Variants in LIMCH1 observed in about 807,000 individuals in gnomAD.
LIMCH1 encodes LIM and calponin homology domains 1, also known as LIM and calponin homology domains-containing protein 1.
A neutral mutation model predicts 176.5 loss-of-function variants in LIMCH1; 113 were observed. The observed-to-expected ratio is 0.64, with a 90% CI of 0.55 to 0.75. The LOEUF (loss-of-function observed/expected upper bound fraction) is 0.75. LIMCH1 is among the 30% of genes least tolerant of loss of function. The pLI is 0.00. For missense variants in LIMCH1, 1,674 were observed against 1,814.9 expected, an observed-to-expected ratio of 0.92 and a Z score of 1.41; for synonymous variants, 619 against 645.9, an observed-to-expected ratio of 0.96 and a Z score of 0.63.
At chr4:41,427,337 A>G (rs1416500038) in intron 1 of LIMCH1, among the ~76,000 whole-genome samples, 2 of 152,178 alleles carry the variant, frequency 1.3e-5, no homozygotes, top group African/African-American at 2.4e-5. Flanking sequence ...CATAAAATTT[A>G]TCTTCAAAGT....
Position 41,684,400 on chromosome 4 carries a change from A to G in LIMCH1, c.3849A>G (p.Leu1283=). Residue 1283 remains leucine (L), a synonymous_variant, in exon 27 of 32, where the codon CTA becomes CTG. Coordinates refer to ENST00000503057, the MANE Select transcript of LIMCH1 (RefSeq NM_001330672.2). ...GTATACCTCTTTATTTTAACAGCCT[A>G]ACTGAAGGGGCCTTGGCTCATTCTG... ...ESDRLEEKGS[L]TEGALAHSGN... The G allele has an allele frequency of 6.2e-7, 1 of 1,613,440 alleles. No individual in the cohort carries two copies. The highest frequency in any genetic ancestry group is 8.5e-7 in the Non-Finnish European group (1 of 1,179,648).
At chr4:41,454,446 A>AGG (rs1287187514) in intron 1 of LIMCH1, among the ~76,000 whole-genome samples, 1 of 150,554 alleles carries the variant, frequency 6.6e-6, no homozygotes, top group Non-Finnish European at 1.5e-5. Flanking sequence ...GTGGATGATG[A>AGG]GGGGGAGAGA....
chr4:41,435,955 C>T (rs182267637), intron 1 of LIMCH1, among the ~76,000 whole-genome samples: 1 of 152,184 alleles, frequency 6.6e-6, no homozygotes, highest in Admixed American at 6.5e-5. Flanking sequence ...CAAATTGTCC[C>T]CTCCTTATTT....
chr4:41,438,183 A>T (rs767848403), intron 1 of LIMCH1, among the ~76,000 whole-genome samples: 36 of 152,066 alleles, frequency 2.4e-4, no homozygotes, highest in Admixed American at 3.9e-4. Context: ...TGCCCATTTC[A>T]TGGCATGAGG....
chr4:41,620,397 G>A (rs1218849642), intron 6 of LIMCH1, 27 bp from the exon 7 acceptor site: 2 of 1,529,016 alleles, frequency 1.3e-6, no homozygotes, highest in Non-Finnish European at 1.7e-6. Context: ...CTGTTAGTTT[G>A]GTAAACCATA....
intron 5 of LIMCH1, among the ~76,000 whole-genome samples, chr4:41,618,595 C>T (rs927740146): frequency 1.2e-4 from 19 of 152,176 alleles, no homozygotes; most frequent in African/African-American, 3.4e-4. Context: ...GCCGTGGGAA[C>T]CAGGAAGAGC....
At chr4:41,676,318 T>A in intron 22 of LIMCH1, 64 bp from the exon 23 acceptor site, 1 of 1,349,456 alleles carries the variant, frequency 7.4e-7, no homozygotes, top group Non-Finnish European at 1.0e-6. Flanking sequence ...TTGTCTACTC[T>A]TCACCCGGCC....
intron 1 of LIMCH1, among the ~76,000 whole-genome samples, chr4:41,392,931 C>A (rs2057404051): frequency 6.6e-6 from 1 of 152,020 alleles, no homozygotes; most frequent in African/African-American, 2.4e-5. Context: ...ACTTGGGAGG[C>A]TGAGGCAGGA....
chr4:41,547,638 CATAT>C (rs2079658668), intron 1 of LIMCH1, among the ~76,000 whole-genome samples: 2 of 143,754 alleles, frequency 1.4e-5, no homozygotes, highest in Admixed American at 1.4e-4. Context: ...TAAATATATA[CATAT>C]ATAATATATA....
intron 3 of LIMCH1, among the ~76,000 whole-genome samples, chr4:41,526,664 C>T (rs1554084612): frequency 6.6e-6 from 1 of 152,158 alleles, no homozygotes; most frequent in Non-Finnish European, 1.5e-5. Flanking sequence ...TCATCAAGTA[C>T]TCTCTCCTGA....
intron 1 of LIMCH1, among the ~76,000 whole-genome samples, chr4:41,476,111 C>G (rs1031305115): frequency 6.6e-6 from 1 of 152,098 alleles, no homozygotes; most frequent in Non-Finnish European, 1.5e-5. Flanking sequence ...TGCTGGGATT[C>G]CAGACATGAG....
chr4:41,384,325 CT>C (rs1172589966), intron 1 of LIMCH1, among the ~76,000 whole-genome samples: 1 of 151,910 alleles, frequency 6.6e-6, no homozygotes, highest in African/African-American at 2.4e-5. Context: ...CTGCCTCAGC[CT>C]CCCTAGTAAC....
At chr4:41,374,952 T>C (rs1581186501) in intron 1 of LIMCH1, among the ~76,000 whole-genome samples, 1 of 152,216 alleles carries the variant, frequency 6.6e-6, no homozygotes, top group East Asian at 1.9e-4. Flanking sequence ...AATAGATGAG[T>C]TGATTAGCCT....
chr4:41,399,843 T>A lies in LIMCH1; in HGVS notation c.96+38907T>A, dbSNP rs562853453. 2.7e-5 allele frequency among the ~76,000 whole-genome samples: 4 copies of A among 145,610 alleles called. No individual in the cohort carries two copies. The East Asian group carries it at 7.9e-4, about 29-fold the overall frequency. On this transcript the variant is annotated intron_variant, in intron 1 of 26. Transcript: ENST00000313860. ...AGTGTGCCACCATGCCCGGCTAATT[T>A]TTTTTTTTTTTTGTATTTTTAGTAG... is the stretch of plus-strand genomic sequence containing the variant.
chr4:41,606,136 C>T (rs537790363), intron 4 of LIMCH1, 132 bp downstream of exon 4: 14 of 588,760 alleles, frequency 2.4e-5, no homozygotes, highest in African/African-American at 1.7e-4. Flanking sequence ...CTCAAGGAAA[C>T]GATCACTTGT....
At chr4:41,482,237 G>A (rs1347162866) in intron 1 of LIMCH1, among the ~76,000 whole-genome samples, 5 of 152,200 alleles carry the variant, frequency 3.3e-5, no homozygotes, top group Admixed American at 3.3e-4. Context: ...TGGACCAGAG[G>A]TCAGTACTAC....
At chr4:41,558,016 C>T (rs2081518362) in intron 1 of LIMCH1, among the ~76,000 whole-genome samples, 1 of 152,052 alleles carries the variant, frequency 6.6e-6, no homozygotes, top group Non-Finnish European at 1.5e-5. Context: ...ACAGTGGCCA[C>T]ACGTGTCAGC....
intron 3 of LIMCH1, among the ~76,000 whole-genome samples, chr4:41,530,096 A>G (rs1383904222): frequency 2.6e-5 from 4 of 152,196 alleles, no homozygotes; most frequent in African/African-American, 9.6e-5. Flanking sequence ...GTTTATGAAA[A>G]CTGACATCAG....
chr4:41,430,389 G>C (rs1169152313), intron 1 of LIMCH1, among the ~76,000 whole-genome samples: 1 of 152,070 alleles, frequency 6.6e-6, no homozygotes, highest in Admixed American at 6.6e-5. Context: ...TCAGCCTTCC[G>C]AGTAGCTGGG....
Sources: gnomAD v4.1 joint callset for allele counts (sites outside exome capture counted in the v4.1 genomes callset) on GRCh38, gnomAD v4.1.1 for gene constraint, MANE v1.5 for transcripts, NCBI Gene and HGNC (gene_info 2026-07-23, HGNC 2026-07-21) for gene names.